The following LOC400499 variants were observed in gnomAD, a reference collection of about 807,000 sequenced individuals.
the LOC400499 span, among the ~76,000 whole-genome samples, chr16:11,511,790 G>A: frequency 6.6e-6 from 1 of 152,352 alleles, no homozygotes; most frequent in Non-Finnish European, 1.5e-5. Flanking sequence ...ACTTTGGGAG[G>A]CTGCAGTAGG....
At chr16:11,519,982 C>T in the LOC400499 span, among the ~76,000 whole-genome samples, 2 of 152,144 alleles carry the variant, frequency 1.3e-5, no homozygotes, top group African/African-American at 2.4e-5. Context: ...GGATTACAGG[C>T]ATGAGCCACC....
the LOC400499 span, chr16:11,383,617 G>A: frequency 4.7e-3 from 5,815 of 1,232,270 alleles, 222 homozygotes; most frequent in African/African-American, 0.081. Context: ...ACGGGGCAGA[G>A]TGCTAGATGG....
At chr16:11,440,303 C>A in the LOC400499 span, among the ~76,000 whole-genome samples, 3 of 152,296 alleles carry the variant, frequency 2.0e-5, no homozygotes, top group Admixed American at 2.0e-4. Context: ...ACTACATTTC[C>A]CAGCCTCCCT....
chr16:11,517,735 C>T, the LOC400499 span, among the ~76,000 whole-genome samples: 1 of 152,164 alleles, frequency 6.6e-6, no homozygotes, highest in Non-Finnish European at 1.5e-5. Flanking sequence ...CTGCCCTTCC[C>T]CTGGCAGAAA....
At chr16:11,474,134 C>T in the LOC400499 span, among the ~76,000 whole-genome samples, 3 of 152,354 alleles carry the variant, frequency 2.0e-5, no homozygotes, top group Non-Finnish European at 2.9e-5. Context: ...GTGGGGATTA[C>T]AGGCGTGAGC....
the LOC400499 span, among the ~76,000 whole-genome samples, chr16:11,409,594 G>C: frequency 6.6e-6 from 1 of 152,324 alleles, no homozygotes; most frequent in East Asian, 1.9e-4. Context: ...AATGCTGCGT[G>C]ATCTTGGCCT....
At chr16:11,514,449 G>T in the LOC400499 span, 4 of 399,134 alleles carry the variant, frequency 1.0e-5, no homozygotes, top group African/African-American at 4.1e-5. Flanking sequence ...GCAGGAAGTG[G>T]CCCCGCGGAG....
At chr16:11,424,357 G>A in the LOC400499 span, 5 of 399,590 alleles carry the variant, frequency 1.3e-5, no homozygotes, top group African/African-American at 8.2e-5. Context: ...GGGGGAAGAG[G>A]CCAGCGGGCA....
the LOC400499 span, among the ~76,000 whole-genome samples, chr16:11,456,592 G>A: frequency 1.0e-3 from 158 of 152,162 alleles, no homozygotes; most frequent in Non-Finnish European, 1.8e-3. Context: ...TAAGGTTTTC[G>A]TTTGTTTGTT....
At chr16:11,424,310 G>A in the LOC400499 span, 1 of 399,614 alleles carries the variant, frequency 2.5e-6, no homozygotes, top group Non-Finnish European at 4.4e-6. Context: ...CCACGTGGGT[G>A]AGAGACAGGA....
chr16:11,384,778 G>A, the LOC400499 span: 19 of 988,776 alleles, frequency 1.9e-5, no homozygotes, highest in African/African-American at 3.4e-5. Flanking sequence ...AGACGAGGCC[G>A]GCAGAGGCTC....
chr16:11,446,997 G>T, the LOC400499 span: 1 of 1,420,828 alleles, frequency 7.0e-7, no homozygotes, highest in Non-Finnish European at 9.3e-7. Context: ...CTCAGCCTGG[G>T]CCTGTCACGA....
chr16:11,525,382 C>G, the LOC400499 span, among the ~76,000 whole-genome samples: 1 of 151,944 alleles, frequency 6.6e-6, no homozygotes, highest in Non-Finnish European at 1.5e-5. Flanking sequence ...TGTTTACACC[C>G]TTTAAAACAT....
chr16:11,377,572 GT>G, the LOC400499 span, among the ~76,000 whole-genome samples: 1 of 152,098 alleles, frequency 6.6e-6, no homozygotes, highest in Non-Finnish European at 1.5e-5. Context: ...ATAGTCATGT[GT>G]TTTCTTTCGT....
the LOC400499 span, chr16:11,399,374 C>A: frequency 4.1e-6 from 3 of 738,996 alleles, no homozygotes; most frequent in Non-Finnish European, 5.6e-6. Context: ...CCCGCAAGCA[C>A]TGGAACCCAG....
chr16:11,448,171 C>T, the LOC400499 span: 1 of 1,383,742 alleles, frequency 7.2e-7, no homozygotes, highest in Non-Finnish European at 9.6e-7. Flanking sequence ...CACAACCTGC[C>T]CATCACCCCC....
chr16:11,389,140 A>AC, the LOC400499 span, among the ~76,000 whole-genome samples: 1 of 151,856 alleles, frequency 6.6e-6, no homozygotes, highest in Non-Finnish European at 1.5e-5. Flanking sequence ...TGCAGTAGTG[A>AC]CCCCCACCTG....
chr16:11,513,936 C>G, the LOC400499 span, among the ~76,000 whole-genome samples: 4 of 152,118 alleles, frequency 2.6e-5, no homozygotes, highest in South Asian at 4.1e-4. Flanking sequence ...ATCCTCCCCC[C>G]AGATATAGGC....
the LOC400499 span, among the ~76,000 whole-genome samples, chr16:11,504,263 A>G: frequency 6.6e-6 from 1 of 152,188 alleles, no homozygotes; most frequent in Non-Finnish European, 1.5e-5. Flanking sequence ...CTGCCTAGAA[A>G]TCAAGTCCAG....
Sources: gnomAD v4.1 joint callset for allele counts (sites outside exome capture counted in the v4.1 genomes callset) on GRCh38, gnomAD v4.1.1 for gene constraint, MANE v1.5 for transcripts.